Variants in DGKB observed in about 807,000 individuals in gnomAD.
DGKB encodes the protein diacylglycerol kinase beta.
A neutral mutation model predicts 114.3 loss-of-function variants in DGKB; 67 were observed. That is an observed-to-expected ratio of 0.59 (90% CI 0.48 to 0.72). DGKB has a LOEUF of 0.72. Ranked by LOEUF, DGKB falls within the 30% of genes least tolerant of loss-of-function variation. The probability of loss-of-function intolerance (pLI) is 0.00; values close to 1 mark genes in which losing one functional copy is unlikely to be tolerated. For synonymous variants in DGKB, 398 were observed against 323.1 expected (o/e 1.23, Z -2.49); for missense variants, 907 against 975.2 (o/e 0.93, Z 0.93).
chr7:14,175,269 A>G (rs899869976), intron 25 of DGKB, among the ~76,000 whole-genome samples: 1 of 152,210 alleles, frequency 6.6e-6, no homozygotes, highest in African/African-American at 2.4e-5. Context: ...TGAATATTTA[A>G]TACATACTCA....
At chr7:14,347,317 A>G (rs1207617984) in intron 21 of DGKB, among the ~76,000 whole-genome samples, 2 of 152,086 alleles carry the variant, frequency 1.3e-5, no homozygotes, top group Admixed American at 1.3e-4. Context: ...TGTGGACAAA[A>G]GGGAACATTT....
chr7:14,623,193 C>G (rs1339713067), intron 14 of DGKB, among the ~76,000 whole-genome samples: 1 of 152,062 alleles, frequency 6.6e-6, no homozygotes, highest in Non-Finnish European at 1.5e-5. Flanking sequence ...GGATTTTAGG[C>G]TTGATGTGAA....
At position 14,649,058 on chromosome 7, in the gene DGKB, T is replaced by A. The variant is rs1813819462; in HGVS notation, c.1135-18790A>T. Reference sequence around the variant, plus strand: ...AGTGATGGGGAGAATGGAACCAAGTTGGAAAACATGCTGCAGGATATTATC... The same window carrying A: ...AGTGATGGGGAGAATGGAACCAAGTAGGAAAACATGCTGCAGGATATTATC... On this transcript the variant is annotated intron_variant, in intron 13 of 25. Coordinates refer to ENST00000402815, the MANE Select transcript of DGKB (RefSeq NM_001350709.2). Among the ~76,000 whole-genome samples, 2 of 66,026 alleles carry A rather than the reference T, an allele frequency of 3.0e-5. 1 individual carries two copies. Among genetic ancestry groups the A allele is most frequent in the Non-Finnish European group, 6.1e-5 (2 of 32,930 alleles). The allele number at this position is 66,026 out of a possible 152,430, so 43.3% of individuals were successfully genotyped here. A position where few individuals can be genotyped will look rare whatever the true frequency, so the allele number is the denominator to read the frequency against.
chr7:14,629,317 AT>A (rs1303626047), intron 14 of DGKB, among the ~76,000 whole-genome samples: 1 of 152,046 alleles, frequency 6.6e-6, no homozygotes, highest in Non-Finnish European at 1.5e-5. Context: ...GAAACATTAT[AT>A]TTAAGTGTAT....
At chr7:14,830,968 G>C (rs929522) in intron 2 of DGKB, among the ~76,000 whole-genome samples, 66,254 of 151,688 alleles carry the variant, frequency 0.44, 15,390 homozygotes, top group South Asian at 0.62. Flanking sequence ...TGTGTTAAGA[G>C]ACTTAGTTTT....
chr7:14,594,289 A>G (rs780926192), intron 17 of DGKB, among the ~76,000 whole-genome samples: 5 of 152,094 alleles, frequency 3.3e-5, no homozygotes, highest in African/African-American at 7.2e-5. Context: ...ATGCTACATG[A>G]AAGTCCATCT....
At chr7:14,841,165 A>C (rs367731156) in intron 2 of DGKB, 29 bp downstream of exon 2, 3 of 1,562,232 alleles carry the variant, frequency 1.9e-6, no homozygotes, top group Admixed American at 3.5e-5. Context: ...AATGTCAAAT[A>C]ATCTCATAAT....
At chr7:14,580,638 T>C (rs1461976045) in intron 19 of DGKB, among the ~76,000 whole-genome samples, 1 of 152,194 alleles carries the variant, frequency 6.6e-6, no homozygotes, top group Non-Finnish European at 1.5e-5. Context: ...TCCTTTAGTT[T>C]AAGTCTCTAT....
chr7:14,422,536 T>G (rs1225562268), intron 21 of DGKB, among the ~76,000 whole-genome samples: 1 of 152,180 alleles, frequency 6.6e-6, no homozygotes, highest in Non-Finnish European at 1.5e-5. Flanking sequence ...GGACACAAAA[T>G]CATTCCAGGC....
intron 19 of DGKB, among the ~76,000 whole-genome samples, chr7:14,575,058 CA>C (rs1798928250): frequency 6.6e-6 from 1 of 152,108 alleles, no homozygotes; most frequent in Non-Finnish European, 1.5e-5. Flanking sequence ...CCAGGAGTTC[CA>C]GGCTGCAGTG....
intron 21 of DGKB, among the ~76,000 whole-genome samples, chr7:14,468,045 A>T (rs2128881327): frequency 6.6e-6 from 1 of 152,312 alleles, no homozygotes; most frequent in Middle Eastern, 3.4e-3. Flanking sequence ...AAGCATTCTT[A>T]TTATATTATT....
At chr7:14,377,690 T>C (rs1306617965) in intron 21 of DGKB, among the ~76,000 whole-genome samples, 1 of 152,212 alleles carries the variant, frequency 6.6e-6, no homozygotes, top group Non-Finnish European at 1.5e-5. Flanking sequence ...GCCCCCAAGA[T>C]GCCTGTGGGA....
intron 13 of DGKB, among the ~76,000 whole-genome samples, chr7:14,659,423 A>T (rs1475864536): frequency 1.3e-5 from 2 of 151,752 alleles, no homozygotes; most frequent in African/African-American, 4.8e-5. Context: ...AGTAGTTTGT[A>T]GTTCTCCTTG....
chr7:14,810,844 A>C (rs974571535), intron 2 of DGKB, among the ~76,000 whole-genome samples: 8 of 152,148 alleles, frequency 5.3e-5, no homozygotes, highest in Non-Finnish European at 1.0e-4. Flanking sequence ...CCTGGACTCA[A>C]GTGATCTGCC....
chr7:14,758,884 A>AATAG (rs76875239), intron 2 of DGKB, among the ~76,000 whole-genome samples: 17,493 of 145,046 alleles, frequency 0.12, 1,137 homozygotes, highest in East Asian at 0.23. Context: ...TGTGTGAAAC[A>AATAG]ATAGATAGAT....
At chr7:14,540,348 A>G (rs1584683817) in intron 20 of DGKB, among the ~76,000 whole-genome samples, 1 of 152,146 alleles carries the variant, frequency 6.6e-6, no homozygotes, top group Non-Finnish European at 1.5e-5. Flanking sequence ...TGTATTATGT[A>G]TGTTCTGACA....
intron 21 of DGKB, among the ~76,000 whole-genome samples, chr7:14,468,416 C>T (rs1189650220): frequency 6.6e-6 from 1 of 152,012 alleles, no homozygotes; most frequent in African/African-American, 2.4e-5. Context: ...GTGTTTTCAC[C>T]ATAAAACACG....
intron 23 of DGKB, among the ~76,000 whole-genome samples, chr7:14,337,043 T>G (rs982035119): frequency 3.3e-5 from 5 of 152,194 alleles, no homozygotes; most frequent in Non-Finnish European, 7.3e-5. Context: ...ACGTAGTACC[T>G]AATAATACAG....
intron 2 of DGKB, among the ~76,000 whole-genome samples, chr7:14,839,008 C>A (rs7792515): frequency 7.9e-5 from 12 of 152,092 alleles, no homozygotes; most frequent in Non-Finnish European, 1.6e-4. Flanking sequence ...CCCTCTTGTA[C>A]GAAGACTTCC....
Sources: allele counts gnomAD v4.1 joint callset (sites outside exome capture counted in the v4.1 genomes callset), GRCh38; gene constraint gnomAD v4.1.1; transcripts MANE v1.5; gene names NCBI Gene and HGNC (gene_info 2026-07-23, HGNC 2026-07-21).